PCGF2: variants seen among roughly 807,000 people sequenced by gnomAD.
PCGF2 encodes polycomb group ring finger 2, also known as polycomb group RING finger protein 2.
In PCGF2, 8 loss-of-function variants were observed where a neutral mutation model predicts 36.1. The observed-to-expected ratio is 0.22, with a 90% CI of 0.13 to 0.40. PCGF2 has a LOEUF of 0.40. Among genes scored for constraint, PCGF2 ranks in the 10% least tolerant of loss-of-function variants. The pLI is 1.00. For synonymous variants in PCGF2, 198 were observed against 191.2 expected, an observed-to-expected ratio of 1.04 and a Z score of -0.29; for missense variants, 436 against 475.9, an observed-to-expected ratio of 0.92 and a Z score of 0.78.
intron 8 of PCGF2, 24 bp from the exon 9 acceptor site, chr17:38,738,472 G>GT (rs1598015387): frequency 6.2e-7 from 1 of 1,613,404 alleles, no homozygotes. Flanking sequence ...GGCACCCATG[G>GT]TAGGGGATCC....
rs998652371 is a variant in PCGF2 at position 38,739,500 on chromosome 17, T to G, written c.209+86A>C. 1.6e-5 allele frequency: 18 copies of G among 1,137,246 alleles called. No homozygotes were observed. The African/African-American group carries it at 2.7e-4, about 17-fold the overall frequency. The allele number at this position is 1,137,246 out of a possible 1,614,324, so 70.4% of individuals were successfully genotyped here. A position where few individuals can be genotyped will look rare whatever the true frequency, so the allele number is the denominator to read the frequency against. ...CATGCTTCTCCTACACCTGCCGCCT[T>G]GGCTGAAGGAAGCACGGAGCGTGGG... is the stretch of plus-strand genomic sequence containing the variant. On this transcript the variant is annotated intron_variant, in intron 4 of 10. Coordinates refer to ENST00000620225, the MANE Select transcript of PCGF2 (RefSeq NM_007144.3). This position sits in a 1 kb window ranked among gnomAD's most constrained non-coding sequence, Gnocchi z 4.0.
intron 9 of PCGF2, among the ~76,000 whole-genome samples, chr17:38,737,827 G>A (rs1045829799): frequency 6.7e-6 from 1 of 149,082 alleles, no homozygotes. Flanking sequence ...CAGGAGAATC[G>A]CTTGAATCCG....
upstream of PCGF2, chr17:38,749,250 G>C (rs564872573): frequency 3.9e-5 from 7 of 178,478 alleles, no homozygotes; most frequent in Non-Finnish European, 8.4e-5. This position sits in a 1 kb window ranked among gnomAD's most constrained non-coding sequence, Gnocchi z 6.5. Flanking sequence ...CGCATTTTTC[G>C]CTCGCGCCCT....
chr17:38,749,118 C>T (rs1389213763), upstream of PCGF2, among the ~76,000 whole-genome samples: 1 of 152,228 alleles, frequency 6.6e-6, no homozygotes, highest in Non-Finnish European at 1.5e-5. The surrounding 1 kb of genome is among the most constrained non-coding windows in gnomAD (Gnocchi z 6.5). Flanking sequence ...AGGATGGGAA[C>T]TCAGGCTCCG....
rs367961651 is a variant in PCGF2, at chr17:38,739,053, C to T, written c.316+15G>A. 82 of 1,612,106 alleles carry T rather than the reference C, an allele frequency of 5.1e-5. No individual in the cohort carries two copies. The highest frequency in any genetic ancestry group is 4.5e-4 in the East Asian group (20 of 44,890). On this transcript the variant is annotated intron_variant, in intron 6 of 10. Transcript: ENST00000620225. The surrounding 1 kb of genome is among the most constrained non-coding windows in gnomAD (Gnocchi z 4.0). ...GCAAGACTGTGCACACACAAACAGA[C>T]GCGAGCACACTCACCCTCCGTCAGG...
chr17:38,743,647 G>C (rs1165803159), intron 2 of PCGF2, among the ~76,000 whole-genome samples: 1 of 152,046 alleles, frequency 6.6e-6, no homozygotes, highest in Non-Finnish European at 1.5e-5. Context: ...GTTACCTCTG[G>C]GGCTGGGGGT....
In PCGF2 at chr17:38,739,572, C is replaced by G. The variant is rs367681208; in HGVS notation, c.209+14G>C. 4.4e-6 allele frequency: 7 copies of G among 1,594,012 alleles called. No individual in the cohort carries two copies. Among genetic ancestry groups the G allele is most frequent in the Admixed American group, 1.7e-5 (1 of 60,002 alleles). ...AGAGGATCGCGGGGACAGGAGGTGCCGTGCCAAGCCCACCTGATGCTCAGC... is the reference window on the plus strand; with the variant it reads ...AGAGGATCGCGGGGACAGGAGGTGCGGTGCCAAGCCCACCTGATGCTCAGC... On this transcript the variant is annotated intron_variant, in intron 4 of 10. Transcript: ENST00000620225. The surrounding 1 kb of genome is among the most constrained non-coding windows in gnomAD (Gnocchi z 4.0).
chr17:38,744,941 G>A (rs184309005), intron 2 of PCGF2, among the ~76,000 whole-genome samples: 1 of 152,306 alleles, frequency 6.6e-6, no homozygotes, highest in African/African-American at 2.4e-5. Flanking sequence ...TCAGCTGGGC[G>A]TGGTGGCTCA....
intron 2 of PCGF2, among the ~76,000 whole-genome samples, chr17:38,740,831 C>T (rs1907159637): frequency 6.6e-6 from 1 of 152,114 alleles, no homozygotes. Flanking sequence ...CTCCCCCCAC[C>T]AGCACATCTC....
At chr17:38,740,475 G>A in intron 2 of PCGF2, 33 bp from the exon 3 acceptor site, 1 of 1,511,964 alleles carries the variant, frequency 6.6e-7, no homozygotes, top group South Asian at 1.2e-5. Context: ...GAAACCCAGA[G>A]TTGGCCGGGC....
chr17:38,739,303 C>T lies in PCGF2; in HGVS notation c.210-50G>A. 8 of 1,524,118 alleles carry T rather than the reference C, an allele frequency of 5.2e-6. No homozygotes were observed. Among genetic ancestry groups the T allele is most frequent in the East Asian group, 4.5e-5 (2 of 44,450 alleles). The allele number at this position is 1,524,118 out of a possible 1,614,324, so 94.4% of individuals were successfully genotyped here. A position where few individuals can be genotyped will look rare whatever the true frequency, so the allele number is the denominator to read the frequency against. ...TCAGCAATGCCTTCTCCAGAGCGCT[C>T]CGACCTCGCCCTGCTCTCCCAGCCA... On this transcript the variant is annotated intron_variant, in intron 4 of 10. Transcript: ENST00000620225. This position sits in a 1 kb window ranked among gnomAD's most constrained non-coding sequence, Gnocchi z 4.0.
In PCGF2 at chr17:38,737,069, A is replaced by T. The variant is rs756498748; in HGVS notation, c.577-899T>A. 3.5e-4 allele frequency among the ~76,000 whole-genome samples: 53 copies of T among 152,092 alleles called. 1 individual carries two copies. Among genetic ancestry groups the T allele is most frequent in the South Asian group, 6.2e-4 (3 of 4,822 alleles). ...TCGCTTGAGCCCGGGGGGTCAGCAG[A>T]GGTTGCGGTGAGCCAAGATCCTGCC... On this transcript the variant is annotated intron_variant, in intron 9 of 10. Coordinates refer to ENST00000620225, the MANE Select transcript of PCGF2 (RefSeq NM_007144.3).
chr17:38,743,503 C>T (rs1321437100), intron 2 of PCGF2, among the ~76,000 whole-genome samples: 3 of 152,146 alleles, frequency 2.0e-5, no homozygotes, highest in South Asian at 2.1e-4. Flanking sequence ...CCAGCCTGTT[C>T]CTCTGGACCC....
Position 38,740,565 on chromosome 17 carries a change from T to C in PCGF2, c.-40-123A>G, listed in dbSNP as rs190546625. The C allele has an allele frequency of 4.7e-3, 2,927 of 628,952 alleles. 6 individuals are homozygous for C. The highest frequency in any genetic ancestry group is 0.012 in the African/African-American group (616 of 53,186). The allele number at this position is 628,952 out of a possible 1,614,324, so 39.0% of individuals were successfully genotyped here. On this transcript the variant is annotated intron_variant, in intron 2 of 10. Transcript: ENST00000620225. ...ACGAGGTCAGGAGATTGAGACCATC[T>C]TGACTAACATGGTGAAACCCCATCT...
At chr17:38,748,085 C>G (rs1907665486) in intron 1 of PCGF2, 111 bp downstream of exon 1, 1 of 152,636 alleles carries the variant, frequency 6.6e-6, no homozygotes, top group Non-Finnish European at 1.5e-5. Flanking sequence ...AGGATCGGCT[C>G]AGAGCCTCCC....
At chr17:38,744,568 C>T (rs1201175366) in intron 2 of PCGF2, among the ~76,000 whole-genome samples, 3 of 152,124 alleles carry the variant, frequency 2.0e-5, no homozygotes, top group African/African-American at 7.2e-5. Context: ...GTTGGCCAGG[C>T]TGGTTTCCAA....
chr17:38,745,836 T>G (rs1384947373), intron 2 of PCGF2, among the ~76,000 whole-genome samples: 1 of 152,154 alleles, frequency 6.6e-6, no homozygotes, highest in Admixed American at 6.5e-5. Flanking sequence ...ACTCCTGCCT[T>G]GAGGCAGGAA....
chr17:38,735,691 T>C, intron 10 of PCGF2, 91 bp from the exon 11 acceptor site: 2 of 1,434,540 alleles, frequency 1.4e-6, no homozygotes, highest in Non-Finnish European at 1.8e-6. Context: ...CACCCCACAG[T>C]GTCCAAACTC....
intron 6 of PCGF2, 30 bp from the exon 7 acceptor site, chr17:38,738,891 G>T: frequency 6.3e-7 from 1 of 1,590,186 alleles, no homozygotes; most frequent in Non-Finnish European, 8.6e-7. Flanking sequence ...TCGGGTTGGC[G>T]GAGGATGTAG....
Sources: allele counts gnomAD v4.1 joint callset (sites outside exome capture counted in the v4.1 genomes callset), GRCh38; gene constraint gnomAD v4.1.1; non-coding constraint Gnocchi (gnomAD v3.1); transcripts MANE v1.5; gene names NCBI Gene and HGNC (gene_info 2026-07-23, HGNC 2026-07-21).